The following LHFPL2 variants were observed in gnomAD, a reference collection of about 807,000 sequenced individuals.
The protein encoded by LHFPL2 is LHFPL tetraspan subfamily member 2.
A neutral mutation model predicts 17.5 loss-of-function variants in LHFPL2; 7 were observed. The ratio of observed to expected loss-of-function variants is 0.40; its 90% CI spans 0.23 to 0.75. The LOEUF is 0.75. Ranked by LOEUF, LHFPL2 falls within the 30% of genes least tolerant of loss-of-function variation. LHFPL2 has a pLI of 0.37. For synonymous variants in LHFPL2, 134 were observed against 116.2 expected (o/e 1.15, Z -0.99); for missense variants, 241 against 294.8 (o/e 0.82, Z 1.34).
At chr5:78,567,226 T>G (rs1165765202) in intron 2 of LHFPL2, among the ~76,000 whole-genome samples, 1 of 152,146 alleles carries the variant, frequency 6.6e-6, no homozygotes, top group Non-Finnish European at 1.5e-5. Context: ...TAACAGTCAT[T>G]TAGGAATAGG....
chr5:78,583,872 G>C (rs1396790161), intron 2 of LHFPL2, among the ~76,000 whole-genome samples: 3 of 150,278 alleles, frequency 2.0e-5, no homozygotes, highest in East Asian at 1.9e-4. Flanking sequence ...ATATCCTGCA[G>C]AGTGTTTTCC....
chr5:78,537,379 T>A lies in LHFPL2; in HGVS notation c.-185-26981A>T, dbSNP rs1755980897. 2.6e-5 allele frequency among the ~76,000 whole-genome samples: 4 copies of A among 152,136 alleles called. No individual in the cohort carries two copies. The South Asian group carries it at 8.3e-4, about 31-fold the overall frequency. On this transcript the variant is annotated intron_variant, in intron 3 of 4. Transcript: ENST00000380345. Reference sequence around the variant, plus strand: ...AGGCTTCTTGCCCCCCAAAAATGGTTATTCGTGGGAAAAAAAAGATCTATT... The same window carrying A: ...AGGCTTCTTGCCCCCCAAAAATGGTAATTCGTGGGAAAAAAAAGATCTATT...
intron 4 of LHFPL2, among the ~76,000 whole-genome samples, chr5:78,496,915 C>T (rs1754625722): frequency 5.3e-5 from 8 of 152,206 alleles, no homozygotes. Context: ...CTGATCACAG[C>T]TGGCCCCATG....
At chr5:78,586,723 G>A (rs191640026) in intron 2 of LHFPL2, among the ~76,000 whole-genome samples, 42 of 151,948 alleles carry the variant, frequency 2.8e-4, no homozygotes, top group Admixed American at 2.6e-3. Flanking sequence ...GTTTTTATAG[G>A]GGGGAAAAAA....
Position 78,529,050 on chromosome 5 carries a change from C to T in LHFPL2, c.-185-18652G>A, listed in dbSNP as rs144624196. On this transcript the variant is annotated intron_variant, in intron 3 of 4. Transcript: ENST00000380345. ...ATCCCACCACTTTGAGAGGCTGAGA[C>T]GGGAGGACTGCTTGAGGCCAGGCGT... 7.6e-3 allele frequency among the ~76,000 whole-genome samples: 1,145 copies of T among 151,632 alleles called. 6 individuals are homozygous for T. Among genetic ancestry groups the T allele is most frequent in the African/African-American group, 0.026 (1,061 of 41,286 alleles).
intron 3 of LHFPL2, among the ~76,000 whole-genome samples, chr5:78,552,423 G>A (rs545183100): frequency 6.6e-6 from 1 of 152,192 alleles, no homozygotes; most frequent in East Asian, 1.9e-4. Flanking sequence ...GTGAGCCACC[G>A]CGCCTGGCCA....
At chr5:78,575,649 C>CCA (rs1757110627) in intron 2 of LHFPL2, among the ~76,000 whole-genome samples, 1 of 152,174 alleles carries the variant, frequency 6.6e-6, no homozygotes, top group Non-Finnish European at 1.5e-5. Context: ...ATGAATGTGT[C>CCA]TTTTTAAAAT....
intron 3 of LHFPL2, among the ~76,000 whole-genome samples, chr5:78,562,858 G>A (rs1260997219): frequency 1.3e-5 from 2 of 152,196 alleles, no homozygotes; most frequent in East Asian, 1.9e-4. Context: ...GATCCTGAAG[G>A]CTTTGGCAGA....
At chr5:78,539,534 C>G (rs1756045538) in intron 3 of LHFPL2, among the ~76,000 whole-genome samples, 1 of 152,094 alleles carries the variant, frequency 6.6e-6, no homozygotes, top group Non-Finnish European at 1.5e-5. Flanking sequence ...AAGGTGGTTA[C>G]TGCTATTATT....
chr5:78,553,124 A>G (rs1288840056), intron 3 of LHFPL2, among the ~76,000 whole-genome samples: 1 of 152,180 alleles, frequency 6.6e-6, no homozygotes, highest in Non-Finnish European at 1.5e-5. Context: ...GAACTTTCAC[A>G]AGGTGACCTC....
intron 3 of LHFPL2, among the ~76,000 whole-genome samples, chr5:78,564,565 AG>A (rs1418580138): frequency 6.6e-6 from 1 of 152,212 alleles, no homozygotes; most frequent in African/African-American, 2.4e-5. Flanking sequence ...TGACAAACAA[AG>A]CATGTCAGAA....
intron 2 of LHFPL2, chr5:78,589,955 G>T (rs548713103): frequency 6.6e-6 from 1 of 152,324 alleles, no homozygotes; most frequent in South Asian, 2.1e-4. Flanking sequence ...GCCCCTGCAG[G>T]TGGTCATCTC....
intron 2 of LHFPL2, among the ~76,000 whole-genome samples, chr5:78,621,702 A>C (rs6883793): frequency 0.42 from 63,837 of 151,994 alleles, 13,464 homozygotes; most frequent in Middle Eastern, 0.45. Flanking sequence ...ATACATGGCA[A>C]GTAAAACCAC....
At chr5:78,524,656 C>T (rs1226388027) in intron 3 of LHFPL2, among the ~76,000 whole-genome samples, 1 of 150,928 alleles carries the variant, frequency 6.6e-6, no homozygotes, top group Non-Finnish European at 1.5e-5. Context: ...GCACAAGAAT[C>T]GCTTGAACCC....
intron 2 of LHFPL2, among the ~76,000 whole-genome samples, chr5:78,623,277 C>T (rs1032322947): frequency 1.3e-5 from 2 of 152,244 alleles, no homozygotes; most frequent in South Asian, 4.1e-4. Context: ...ATTTTTATAG[C>T]GGATTGGAAT....
intron 3 of LHFPL2, among the ~76,000 whole-genome samples, chr5:78,540,080 G>C (rs1050360603): frequency 6.6e-6 from 1 of 152,126 alleles, no homozygotes; most frequent in African/African-American, 2.4e-5. Context: ...GTGCACACAC[G>C]TACACAATTT....
intron 3 of LHFPL2, among the ~76,000 whole-genome samples, chr5:78,534,962 G>A (rs1326786397): frequency 6.6e-6 from 1 of 152,212 alleles, no homozygotes; most frequent in Non-Finnish European, 1.5e-5. Context: ...TCTACTGTAA[G>A]TTGACGGCAA....
At chr5:78,576,007 T>C (rs991200392) in intron 2 of LHFPL2, among the ~76,000 whole-genome samples, 1 of 152,112 alleles carries the variant, frequency 6.6e-6, no homozygotes, top group African/African-American at 2.4e-5. Flanking sequence ...ATATGTAAGA[T>C]AAATCTGGCC....
At chr5:78,595,168 GC>G (rs1394991733) in intron 2 of LHFPL2, among the ~76,000 whole-genome samples, 1 of 152,208 alleles carries the variant, frequency 6.6e-6, no homozygotes, top group Non-Finnish European at 1.5e-5. Flanking sequence ...AGTTAGACAA[GC>G]CATGTGCAGA....
Sources: allele counts gnomAD v4.1 joint callset (sites outside exome capture counted in the v4.1 genomes callset), GRCh38; gene constraint gnomAD v4.1.1; transcripts MANE v1.5; gene names NCBI Gene and HGNC (gene_info 2026-07-23, HGNC 2026-07-21).